Variants in TSNARE1 observed in about 807,000 individuals in gnomAD.
The protein encoded by TSNARE1 is t-SNARE domain containing 1, also known as t-SNARE domain-containing protein 1.
TSNARE1 carries 49 observed loss-of-function variants against 62.0 expected under a neutral mutation model. That is an observed-to-expected ratio of 0.79 (90% CI 0.63 to 1.00). TSNARE1 has a LOEUF of 1.00. TSNARE1 is among the 50% of genes least tolerant of loss of function. The probability of loss-of-function intolerance (pLI) is 0.00; values close to 1 mark genes in which losing one functional copy is unlikely to be tolerated. For missense variants in TSNARE1, 755 were observed against 700.1 expected (o/e 1.08, Z -0.88); for synonymous variants, 328 against 294.4 (o/e 1.11, Z -1.17).
At chr8:142,229,149 A>AC (rs1816974910) in intron 13 of TSNARE1, among the ~76,000 whole-genome samples, 1 of 149,918 alleles carries the variant, frequency 6.7e-6, no homozygotes, top group Non-Finnish European at 1.5e-5. Flanking sequence ...AGATGGGTGG[A>AC]AGGTGGATGG....
chr8:142,271,260 T>C (rs901890851), intron 12 of TSNARE1: 1 of 1,031,244 alleles, frequency 9.7e-7, no homozygotes, highest in African/African-American at 1.7e-5. Context: ...TCCACCAGCC[T>C]CTCGAGGGTC....
intron 13 of TSNARE1, among the ~76,000 whole-genome samples, chr8:142,226,493 A>G (rs1816779759): frequency 6.6e-6 from 1 of 152,118 alleles, no homozygotes; most frequent in Non-Finnish European, 1.5e-5. Context: ...TCTCCCAGAG[A>G]ACCTTTGCTA....
chr8:142,352,564 G>A (rs1315286010), intron 2 of TSNARE1, among the ~76,000 whole-genome samples: 1 of 152,274 alleles, frequency 6.6e-6, no homozygotes, highest in East Asian at 1.9e-4. Flanking sequence ...ACGCACAGAC[G>A]CCGCGGTGTG....
intron 4 of TSNARE1, among the ~76,000 whole-genome samples, chr8:142,333,032 G>C (rs887589131): frequency 1.3e-5 from 2 of 152,204 alleles, no homozygotes; most frequent in Non-Finnish European, 2.9e-5. Flanking sequence ...AAACCAGAGC[G>C]AACGGGGCGA....
intron 12 of TSNARE1, chr8:142,273,640 C>T (rs1171093032): frequency 1.0e-6 from 1 of 985,262 alleles, no homozygotes; most frequent in African/African-American, 1.7e-5. Context: ...TCTCATGGCC[C>T]CCGACAGAAA....
At chr8:142,303,401 G>A (rs1826104501) in intron 9 of TSNARE1, among the ~76,000 whole-genome samples, 1 of 152,202 alleles carries the variant, frequency 6.6e-6, no homozygotes, top group Non-Finnish European at 1.5e-5. Flanking sequence ...CCAGCGAGGT[G>A]CCCCGCCTCC....
At chr8:142,262,586 G>A (rs747551084) in intron 12 of TSNARE1, among the ~76,000 whole-genome samples, 4 of 151,984 alleles carry the variant, frequency 2.6e-5, no homozygotes, top group Non-Finnish European at 5.9e-5. Context: ...CATGAGGGCC[G>A]GTTTCTCACG....
chr8:142,225,676 A>C (rs886188085), intron 13 of TSNARE1, among the ~76,000 whole-genome samples: 9 of 152,212 alleles, frequency 5.9e-5, no homozygotes, highest in Non-Finnish European at 1.0e-4. Context: ...TCTCCTCTGC[A>C]GTCTGGGACA....
intron 12 of TSNARE1, among the ~76,000 whole-genome samples, chr8:142,265,307 T>C (rs1027931075): frequency 6.6e-6 from 1 of 152,242 alleles, no homozygotes; most frequent in African/African-American, 2.4e-5. Flanking sequence ...CCTCCATCCC[T>C]GTGATCTCGC....
intron 1 of TSNARE1, among the ~76,000 whole-genome samples, chr8:142,367,222 G>T (rs1231939509): frequency 1.3e-5 from 2 of 152,202 alleles, no homozygotes. Flanking sequence ...GCGTTTTTAT[G>T]GAGCTGGACA....
intron 12 of TSNARE1, among the ~76,000 whole-genome samples, chr8:142,264,059 T>C (rs933574929): frequency 3.3e-5 from 5 of 152,230 alleles, no homozygotes; most frequent in Non-Finnish European, 7.3e-5. Flanking sequence ...GTATAAGCAT[T>C]GAAGGCTACT....
At chr8:142,294,884 G>A (rs1183487689) in intron 10 of TSNARE1, among the ~76,000 whole-genome samples, 1 of 152,188 alleles carries the variant, frequency 6.6e-6, no homozygotes, top group Non-Finnish European at 1.5e-5. Context: ...AGATGGGAAT[G>A]GCCTCTCCAT....
intron 12 of TSNARE1, among the ~76,000 whole-genome samples, chr8:142,241,744 G>C (rs965586393): frequency 6.6e-6 from 1 of 152,192 alleles, no homozygotes; most frequent in African/African-American, 2.4e-5. Context: ...TCACCAATAC[G>C]TCATGGGGAT....
chr8:142,309,698 G>C (rs1024050405), intron 9 of TSNARE1, among the ~76,000 whole-genome samples: 1 of 152,114 alleles, frequency 6.6e-6, no homozygotes, highest in African/African-American at 2.4e-5. Flanking sequence ...ACAGAGACAG[G>C]CATGTTATTT....
chr8:142,341,201 T>C (rs192591132), intron 4 of TSNARE1, among the ~76,000 whole-genome samples: 1 of 152,256 alleles, frequency 6.6e-6, no homozygotes, highest in East Asian at 1.9e-4. Flanking sequence ...AGTGGCACAG[T>C]GGGGACTGAG....
chr8:142,341,848 C>T (rs1278242203), intron 4 of TSNARE1, among the ~76,000 whole-genome samples: 2 of 152,202 alleles, frequency 1.3e-5, no homozygotes, highest in East Asian at 3.9e-4. Context: ...CACTCAGCAC[C>T]CCCAGCCCTG....
At position 142,372,638 on chromosome 8, in the gene TSNARE1, C is replaced by T. The variant is rs910978852; in HGVS notation, c.-39-17875G>A. The stretch of plus-strand genomic sequence containing the variant: ...CACATTCCCGAGCCTCTGTGCCCCT[C>T]CTCCATGAAATGGTCTTAGCAATGC... On this transcript the variant is annotated intron_variant, in intron 1 of 13. Coordinates refer to ENST00000524325, the MANE Select transcript of TSNARE1 (RefSeq NM_145003.5). Among the ~76,000 whole-genome samples, 3 of 152,292 alleles carry T rather than the reference C, an allele frequency of 2.0e-5. No individual in the cohort carries two copies. The East Asian group carries it at 5.8e-4, about 30-fold the overall frequency.
At chr8:142,361,858 C>G (rs542301702) in intron 1 of TSNARE1, among the ~76,000 whole-genome samples, 1 of 152,306 alleles carries the variant, frequency 6.6e-6, no homozygotes. Flanking sequence ...AGCCAGACCC[C>G]GCTGCAGACC....
chr8:142,359,800 C>T lies in TSNARE1; in HGVS notation c.-39-5037G>A, dbSNP rs184261228. 2.0e-4 allele frequency among the ~76,000 whole-genome samples: 31 copies of T among 152,340 alleles called. No homozygotes were observed. In the East Asian group the frequency reaches 4.8e-3, roughly 24 times the overall value. ...ACACTAAGGCCCGGGGTCAGCCAGCCGTCAGTGCAGGGCATGAAACATGCC... is the reference window on the plus strand; with the variant it reads ...ACACTAAGGCCCGGGGTCAGCCAGCTGTCAGTGCAGGGCATGAAACATGCC... On this transcript the variant is annotated intron_variant, in intron 1 of 13. Coordinates refer to ENST00000524325, the MANE Select transcript of TSNARE1 (RefSeq NM_145003.5).
Sources: gnomAD v4.1 joint callset for allele counts (sites outside exome capture counted in the v4.1 genomes callset) on GRCh38, gnomAD v4.1.1 for gene constraint, MANE v1.5 for transcripts, NCBI Gene and HGNC (gene_info 2026-07-23, HGNC 2026-07-21) for gene names.